TPST1: variants seen among roughly 807,000 people sequenced by gnomAD.
TPST1 encodes the protein tyrosylprotein sulfotransferase 1, also known as protein-tyrosine sulfotransferase 1.
In TPST1, 20 loss-of-function variants were observed where a neutral mutation model predicts 34.8. That is an observed-to-expected ratio of 0.57 (90% confidence interval 0.40 to 0.84). The LOEUF is 0.84. Among genes scored for constraint, TPST1 ranks in the 40% least tolerant of loss-of-function variants. The pLI is 0.00. For missense variants in TPST1, 353 were observed against 455.5 expected, an observed-to-expected ratio of 0.78 and a Z score of 2.05; for synonymous variants, 152 against 159.4, an observed-to-expected ratio of 0.95 and a Z score of 0.35.
chr7:66,328,836 C>G (rs117640151), intron 3 of TPST1, among the ~76,000 whole-genome samples: 4,474 of 141,720 alleles, frequency 0.032, 126 homozygotes, highest in East Asian at 0.07. Flanking sequence ...CTCTCTCTCT[C>G]TTTCTCACTC....
At chr7:66,243,141 CAAG>C (rs1445723387) in intron 2 of TPST1, among the ~76,000 whole-genome samples, 1 of 151,028 alleles carries the variant, frequency 6.6e-6, no homozygotes, top group Non-Finnish European at 1.5e-5. Context: ...TGCTGGATGA[CAAG>C]GGGTGTGTGT....
chr7:66,249,665 G>A (rs1790222548), intron 2 of TPST1, among the ~76,000 whole-genome samples: 2 of 152,190 alleles, frequency 1.3e-5, no homozygotes, highest in South Asian at 4.1e-4. Context: ...TTAAAATCAT[G>A]CTACGTTTTG....
At chr7:66,313,472 T>C (rs1205063239) in intron 3 of TPST1, among the ~76,000 whole-genome samples, 1 of 152,118 alleles carries the variant, frequency 6.6e-6, no homozygotes, top group Non-Finnish European at 1.5e-5. Context: ...AAAATTTTCT[T>C]TTGCAAATAC....
At chr7:66,245,100 ATAAT>A (rs1790120416) in intron 2 of TPST1, among the ~76,000 whole-genome samples, 1 of 152,248 alleles carries the variant, frequency 6.6e-6, no homozygotes, top group Non-Finnish European at 1.5e-5. Flanking sequence ...AGTAGGAAGA[ATAAT>A]TAGTAATTTA....
intron 3 of TPST1, among the ~76,000 whole-genome samples, chr7:66,301,561 G>A (rs1263577331): frequency 1.3e-5 from 2 of 152,124 alleles, no homozygotes; most frequent in Admixed American, 6.5e-5. Context: ...AGAGATATGC[G>A]ACTATTCCTT....
chr7:66,206,685 A>G (rs1196464550), intron 1 of TPST1, among the ~76,000 whole-genome samples: 1 of 152,058 alleles, frequency 6.6e-6, no homozygotes, highest in Non-Finnish European at 1.5e-5. Flanking sequence ...TGTTTGGGTA[A>G]CTTTCTTTTT....
At chr7:66,343,430 G>T (rs995994346) in intron 3 of TPST1, among the ~76,000 whole-genome samples, 30 of 152,212 alleles carry the variant, frequency 2.0e-4, no homozygotes, top group African/African-American at 7.0e-4. Flanking sequence ...GGGGAGAAAG[G>T]GTTGAAAAGC....
At chr7:66,292,733 A>G (rs1167853149) in intron 3 of TPST1, among the ~76,000 whole-genome samples, 1 of 140,492 alleles carries the variant, frequency 7.1e-6, no homozygotes, top group Non-Finnish European at 1.6e-5. Flanking sequence ...CGGTGCGCAC[A>G]CACACTGGCC....
intron 2 of TPST1, among the ~76,000 whole-genome samples, chr7:66,256,069 T>G (rs927338368): frequency 6.6e-6 from 1 of 152,222 alleles, no homozygotes; most frequent in African/African-American, 2.4e-5. Flanking sequence ...AACTGTTTAG[T>G]TACTCCTAAA....
chr7:66,253,750 C>T (rs954758669), intron 2 of TPST1, among the ~76,000 whole-genome samples: 9 of 151,416 alleles, frequency 5.9e-5, no homozygotes, highest in South Asian at 4.2e-4. Flanking sequence ...AAAATGTCTT[C>T]GAGTTAGCCA....
intron 2 of TPST1, among the ~76,000 whole-genome samples, chr7:66,266,962 A>G (rs940481985): frequency 6.6e-6 from 1 of 152,210 alleles, no homozygotes; most frequent in Admixed American, 6.5e-5. Flanking sequence ...CTGTATATAT[A>G]AAATTTTGAG....
intron 3 of TPST1, among the ~76,000 whole-genome samples, chr7:66,307,383 G>C (rs1025086712): frequency 5.3e-5 from 8 of 152,098 alleles, no homozygotes; most frequent in African/African-American, 1.9e-4. Flanking sequence ...CTCCCAAAGT[G>C]CTGGGATTAC....
At chr7:66,336,718 G>A (rs964685378) in intron 3 of TPST1, among the ~76,000 whole-genome samples, 1 of 152,166 alleles carries the variant, frequency 6.6e-6, no homozygotes, top group African/African-American at 2.4e-5. Flanking sequence ...CCCAAATCTA[G>A]AGAAAGATGA....
intron 3 of TPST1, among the ~76,000 whole-genome samples, chr7:66,317,344 G>A (rs1358931711): frequency 1.3e-5 from 2 of 152,090 alleles, no homozygotes; most frequent in African/African-American, 4.8e-5. Context: ...TTCTTTGGCT[G>A]TATTCTGTTG....
At chr7:66,292,564 G>A (rs1291720384) in intron 3 of TPST1, among the ~76,000 whole-genome samples, 1 of 77,128 alleles carries the variant, frequency 1.3e-5, no homozygotes, top group African/African-American at 6.0e-5. Flanking sequence ...CTCGTGGTGC[G>A]CCGTTTCTTA....
intron 3 of TPST1, among the ~76,000 whole-genome samples, chr7:66,305,796 G>A (rs1791411164): frequency 6.6e-6 from 1 of 152,178 alleles, no homozygotes; most frequent in South Asian, 2.1e-4. Context: ...TGAATATAGG[G>A]CTATTTCGAT....
chr7:66,282,835 C>G (rs1039172922), intron 2 of TPST1, among the ~76,000 whole-genome samples: 2 of 152,212 alleles, frequency 1.3e-5, no homozygotes, highest in Admixed American at 6.5e-5. Context: ...TTTTAATGAT[C>G]TATCCTTTGG....
At chr7:66,330,879 C>T (rs1034072476) in intron 3 of TPST1, among the ~76,000 whole-genome samples, 4 of 152,176 alleles carry the variant, frequency 2.6e-5, no homozygotes, top group African/African-American at 9.7e-5. Flanking sequence ...TGAAGCATAA[C>T]AAATTATTCT....
chr7:66,350,328 T>G (rs1297230483), intron 3 of TPST1, among the ~76,000 whole-genome samples: 1 of 152,176 alleles, frequency 6.6e-6, no homozygotes, highest in Non-Finnish European at 1.5e-5. Context: ...CAAATGATTC[T>G]TATATGTAGA....
Sources: allele counts gnomAD v4.1 joint callset (sites outside exome capture counted in the v4.1 genomes callset), GRCh38; gene constraint gnomAD v4.1.1; transcripts MANE v1.5; gene names NCBI Gene and HGNC (gene_info 2026-07-23, HGNC 2026-07-21).